Variants in SYNE1 observed in about 807,000 individuals in gnomAD.
SYNE1 encodes the protein spectrin repeat containing nuclear envelope protein 1, also known as nesprin-1.
A neutral mutation model predicts 1,111.0 loss-of-function variants in SYNE1; 616 were observed. The ratio of observed to expected loss-of-function variants is 0.55; its 90% CI spans 0.52 to 0.59. The LOEUF (loss-of-function observed/expected upper bound fraction) is 0.59, where lower values mean the gene tolerates loss of function less well. Ranked by LOEUF, SYNE1 falls within the 20% of genes least tolerant of loss-of-function variation. The pLI, the probability that SYNE1 is intolerant of heterozygous loss-of-function variation, is 0.00. For missense variants in SYNE1, 10,006 were observed against 10,417.0 expected (o/e 0.96, Z 1.72); for synonymous variants, 3,855 against 3,825.8 (o/e 1.01, Z -0.28).
At chr6:152,379,415 A>G (rs567565603) in intron 56 of SYNE1, among the ~76,000 whole-genome samples, 1 of 152,256 alleles carries the variant, frequency 6.6e-6, no homozygotes, top group South Asian at 2.1e-4. Context: ...ATCTGTTTTT[A>G]TGTTTTAAAG....
intron 93 of SYNE1, among the ~76,000 whole-genome samples, chr6:152,297,149 T>G (rs1589519362): frequency 6.6e-6 from 1 of 152,116 alleles, no homozygotes; most frequent in East Asian, 1.9e-4. Context: ...TCAGTCTCAT[T>G]TCCCCCTCTC....
chr6:152,231,654 T>A (rs1017638880), intron 113 of SYNE1, 87 bp from the exon 114 acceptor site: 27 of 1,368,264 alleles, frequency 2.0e-5, no homozygotes, highest in Non-Finnish European at 2.2e-5. Flanking sequence ...AACCTTAATA[T>A]TAATATTATC....
chr6:152,606,643 TTTTG>T (rs560731620), intron 3 of SYNE1, among the ~76,000 whole-genome samples: 1 of 137,292 alleles, frequency 7.3e-6, no homozygotes, highest in African/African-American at 2.8e-5. Flanking sequence ...TTCTGAGTTT[TTTTG>T]TTTGTTTGTT....
intron 3 of SYNE1, among the ~76,000 whole-genome samples, chr6:152,613,193 A>G (rs1000602296): frequency 9.9e-5 from 15 of 152,228 alleles, no homozygotes; most frequent in Non-Finnish European, 2.2e-4. Context: ...AATTAGGAAA[A>G]GAGGAAGTCA....
chr6:152,523,847 G>A (rs932785627), intron 5 of SYNE1, among the ~76,000 whole-genome samples: 3 of 151,846 alleles, frequency 2.0e-5, no homozygotes, highest in South Asian at 2.1e-4. Flanking sequence ...TATTATTCTC[G>A]GCTTGGTGGC....
At chr6:152,503,235 GC>G (rs1320859192) in intron 9 of SYNE1, among the ~76,000 whole-genome samples, 2 of 151,648 alleles carry the variant, frequency 1.3e-5, no homozygotes, top group African/African-American at 2.4e-5. Context: ...CCCCCTCTCT[GC>G]CCCCACAAAT....
At chr6:152,288,229 C>T (rs750943666) in intron 95 of SYNE1, among the ~76,000 whole-genome samples, 7 of 152,052 alleles carry the variant, frequency 4.6e-5, no homozygotes, top group Non-Finnish European at 7.4e-5. Flanking sequence ...TTTCCACACA[C>T]ATTTACATTT....
At chr6:152,348,197 GA>G (rs2096672787) in intron 72 of SYNE1, among the ~76,000 whole-genome samples, 1 of 151,956 alleles carries the variant, frequency 6.6e-6, no homozygotes, top group Admixed American at 6.6e-5. Flanking sequence ...TAAGCCTGAC[GA>G]ATGTGTATTA....
At chr6:152,346,340 T>C (rs1164124291) in intron 73 of SYNE1, among the ~76,000 whole-genome samples, 1 of 151,936 alleles carries the variant, frequency 6.6e-6, no homozygotes, top group East Asian at 2.0e-4. Context: ...GTAATTTTTG[T>C]ATTTTTAGTG....
intron 130 of SYNE1, among the ~76,000 whole-genome samples, chr6:152,172,037 AATAAAT>A (rs1183976015): frequency 6.6e-6 from 1 of 152,222 alleles, no homozygotes; most frequent in African/African-American, 2.4e-5. Flanking sequence ...AGGCAATTAT[AATAAAT>A]ATAGAGATTA....
intron 3 of SYNE1, among the ~76,000 whole-genome samples, chr6:152,621,792 T>C (rs2099676080): frequency 6.6e-6 from 1 of 152,156 alleles, no homozygotes; most frequent in African/African-American, 2.4e-5. Context: ...ACAAGTAATA[T>C]ACCATTTAAA....
At chr6:152,359,189 A>G in intron 65 of SYNE1, 126 bp downstream of exon 65, 3 of 1,370,872 alleles carry the variant, frequency 2.2e-6, no homozygotes, top group Non-Finnish European at 3.1e-6. Flanking sequence ...AAAATATTAA[A>G]AATTCATTTT....
chr6:152,418,384 T>G (rs530154562), intron 40 of SYNE1, among the ~76,000 whole-genome samples: 1 of 152,344 alleles, frequency 6.6e-6, no homozygotes, highest in African/African-American at 2.4e-5. Flanking sequence ...AACTATCTCC[T>G]GTCCTGAAGG....
At chr6:152,403,477 T>C (rs1466383921) in intron 46 of SYNE1, among the ~76,000 whole-genome samples, 1 of 152,138 alleles carries the variant, frequency 6.6e-6, no homozygotes, top group East Asian at 1.9e-4. Context: ...TCCCAGCACT[T>C]TGGGAGGCTG....
chr6:152,369,539 T>A lies in SYNE1; in HGVS notation c.9583A>T (p.Met3195Leu). ...AGGCGATTGCTGCTTTCATGGACCA[T>A]CTTCTCAGTTTTACTCAGCCAGTCC... is the stretch of plus-strand genomic sequence containing the variant. Reference protein sequence around the residue: ...IQDWLSKTEKMVHESSNRLYD... With the variant: ...IQDWLSKTEKLVHESSNRLYD... The change falls in exon 60 of 146, where the codon ATG becomes TTG. Residue 3195 changes from methionine to leucine, a missense_variant. Physicochemically the swap from Met to Leu is conservative, Grantham distance 15. Around this residue, in one of 7 missense-constraint regions of SYNE1, gnomAD observed 4,955 missense variants for 5,017.2 expected, o/e 0.99. Coordinates refer to ENST00000367255, the MANE Select transcript of SYNE1 (RefSeq NM_182961.4). 6.2e-7 allele frequency: 1 copy of A among 1,614,208 alleles called. No individual in the cohort carries two copies. Among genetic ancestry groups the A allele is most frequent in the Non-Finnish European group, 8.5e-7 (1 of 1,180,038 alleles).
Position 152,122,232 on chromosome 6 carries a change from T to C in SYNE1, c.*204A>G. On this transcript the variant is annotated 3_prime_UTR_variant, in exon 146 of 146. Coordinates refer to ENST00000367255, the MANE Select transcript of SYNE1 (RefSeq NM_182961.4). ...CTCAAACCAGATTTCTTCCAAACCT[T>C]CTTGTTGTCTGTTTGTTCCCCCGTC... 1.3e-6 allele frequency: 1 copy of C among 763,660 alleles called. No homozygotes were observed. The highest frequency in any genetic ancestry group is 2.1e-6 in the Non-Finnish European group (1 of 473,896). The allele number at this position is 763,660 out of a possible 1,614,324, so 47.3% of individuals were successfully genotyped here.
At chr6:152,423,685 G>A (rs910387075) in intron 39 of SYNE1, among the ~76,000 whole-genome samples, 1 of 152,218 alleles carries the variant, frequency 6.6e-6, no homozygotes, top group Admixed American at 6.5e-5. Flanking sequence ...TAAGAAGGCA[G>A]AACCCCAAAC....
intron 41 of SYNE1, 117 bp downstream of exon 41, chr6:152,416,270 T>C (rs2098153299): frequency 1.4e-6 from 2 of 1,415,394 alleles, no homozygotes; most frequent in East Asian, 2.3e-5. Flanking sequence ...GCAGAGTGAA[T>C]TGGGGTCCTG....
At chr6:152,132,294 C>T in intron 143 of SYNE1, 80 bp from the exon 144 acceptor site, 3 of 1,113,868 alleles carry the variant, frequency 2.7e-6, no homozygotes, top group East Asian at 4.7e-5. Context: ...TTATCTCCCA[C>T]TCCATCTCCA....
Sources: allele counts gnomAD v4.1 joint callset (sites outside exome capture counted in the v4.1 genomes callset), GRCh38; gene constraint gnomAD v4.1.1; regional missense constraint gnomAD v4.1.1; transcripts MANE v1.5; gene names NCBI Gene and HGNC (gene_info 2026-07-23, HGNC 2026-07-21).